Variants in FLOT1 observed in about 807,000 individuals in gnomAD.
The protein encoded by FLOT1 is flotillin-1.
In FLOT1, 40 loss-of-function variants were observed where a neutral mutation model predicts 58.4. That is an observed-to-expected ratio of 0.69 (90% CI 0.53 to 0.89). FLOT1 has a LOEUF of 0.89. Ranked by LOEUF, FLOT1 falls within the 40% of genes least tolerant of loss-of-function variation. FLOT1 has a pLI of 0.00. For missense variants in FLOT1, 423 were observed against 540.8 expected (o/e 0.78, Z 2.16); for synonymous variants, 178 against 204.2 (o/e 0.87, Z 1.09).
At chr6:30,736,590 C>T (rs1777581627) in intron 8 of FLOT1, among the ~76,000 whole-genome samples, 1 of 148,990 alleles carries the variant, frequency 6.7e-6, no homozygotes, top group Non-Finnish European at 1.5e-5. Flanking sequence ...AAGAGCCCAA[C>T]TCATCTTTTG....
chr6:30,736,632 C>T (rs1168514117), intron 8 of FLOT1, among the ~76,000 whole-genome samples: 2 of 150,676 alleles, frequency 1.3e-5, no homozygotes, highest in Non-Finnish European at 1.5e-5. Flanking sequence ...CTCACTCTGT[C>T]ATCCAGGCTG....
In FLOT1 at chr6:30,730,280, A is replaced by C; in HGVS notation, c.1090-94T>G. 7 of 1,519,946 alleles carry C rather than the reference A, an allele frequency of 4.6e-6. No individual in the cohort carries two copies. The South Asian group carries it at 8.3e-5, about 18-fold the overall frequency. 94.2% of individuals were successfully genotyped at this position (1,519,946 alleles called of 1,614,324 possible). A position where few individuals can be genotyped will look rare whatever the true frequency, so the allele number is the denominator to read the frequency against. On this transcript the variant is annotated intron_variant, in intron 11 of 12. Transcript: ENST00000376389. Reference sequence around the variant, plus strand: ...GGGTTTTAAGGTCCTCGTTCCACTGATCATCCTTCCTCACTTTGGTCACTA... The same window carrying C: ...GGGTTTTAAGGTCCTCGTTCCACTGCTCATCCTTCCTCACTTTGGTCACTA...
chr6:30,742,253 G>C lies in FLOT1; in HGVS notation c.-14-50C>G, dbSNP rs1262379949. On this transcript the variant is annotated intron_variant, in intron 1 of 12. Coordinates refer to ENST00000376389, the MANE Select transcript of FLOT1 (RefSeq NM_005803.4). This position sits in a 1 kb window ranked among gnomAD's most constrained non-coding sequence, Gnocchi z 5.2. ...TTGCGGATGGGGAAGGCGCGCTGTG[G>C]CGTCCACAGGGGCCCATCCTTTCCC... 3 of 1,499,094 alleles carry C rather than the reference G, an allele frequency of 2.0e-6. No homozygotes were observed. The highest frequency in any genetic ancestry group is 3.3e-5 in the Admixed American group (2 of 59,830). 92.9% of individuals were successfully genotyped at this position (1,499,094 alleles called of 1,614,324 possible).
intron 8 of FLOT1, among the ~76,000 whole-genome samples, chr6:30,736,845 G>C (rs1361365344): frequency 1.3e-5 from 2 of 151,744 alleles, no homozygotes; most frequent in South Asian, 4.2e-4. Context: ...TGCCCACCTC[G>C]GCCTCCCAAA....
At chr6:30,734,228 A>G (rs1394232791) in intron 8 of FLOT1, among the ~76,000 whole-genome samples, 1 of 151,768 alleles carries the variant, frequency 6.6e-6, no homozygotes, top group African/African-American at 2.4e-5. Context: ...AGACCATTTC[A>G]ATCTAAAACC....
chr6:30,728,023 G>T lies in FLOT1; in HGVS notation c.*93C>A. 1 of 1,162,814 alleles carries T rather than the reference G, an allele frequency of 8.6e-7. No individual in the cohort carries two copies. Among genetic ancestry groups the T allele is most frequent in the Non-Finnish European group, 1.3e-6 (1 of 771,124 alleles). 72.0% of individuals were successfully genotyped at this position (1,162,814 alleles called of 1,614,324 possible). A position where few individuals can be genotyped will look rare whatever the true frequency, so the allele number is the denominator to read the frequency against. ...GAGGGGTGGGACCTCACTGTCAATG[G>T]ACATGCTCAGGGAGGCCAGTGGGTT... On this transcript the variant is annotated 3_prime_UTR_variant, in exon 13 of 13. Coordinates refer to ENST00000376389, the MANE Select transcript of FLOT1 (RefSeq NM_005803.4).
In FLOT1 at chr6:30,730,944, G is replaced by C; in HGVS notation, c.880C>G (p.Leu294Val). The C allele has an allele frequency of 6.2e-7, 1 of 1,613,860 alleles. No individual in the cohort carries two copies. The highest frequency in any genetic ancestry group is 1.1e-5 in the South Asian group (1 of 91,042). ...TTCTCTGCCTCGGCTAGGCGCTCCAGCTTGTAGCGCTCCGCTTCCGCTGGC... is the reference window on the plus strand; with the variant it reads ...TTCTCTGCCTCGGCTAGGCGCTCCACCTTGTAGCGCTCCGCTTCCGCTGGC... ...RKPAEAERYK[L>V]ERLAEAEKSQ... The change falls in exon 9 of 13, where the codon CTG (leucine) becomes GTG (valine). Residue 294 changes from leucine (L) to valine (V), a missense_variant. Around this residue, in one of 6 missense-constraint regions of FLOT1, gnomAD observed 106 missense variants for 88.4 expected, o/e 1.20. Coordinates refer to ENST00000376389, the MANE Select transcript of FLOT1 (RefSeq NM_005803.4).
chr6:30,739,957 C>T (rs929216735), intron 8 of FLOT1, among the ~76,000 whole-genome samples: 26 of 152,240 alleles, frequency 1.7e-4, no homozygotes, highest in African/African-American at 5.5e-4. Flanking sequence ...TCACCACACC[C>T]GGCTGGCCTT....
Position 30,730,565 on chromosome 6 carries a change from T to A in FLOT1, c.952A>T (p.Met318Leu). Reference protein sequence around the residue: ...QAEAEAASVRMRGEAEAFAIG... With the variant: ...QAEAEAASVRLRGEAEAFAIG... ...GCAAAGGCCTCAGCTTCCCCACGCA[T>A]CTGAGGGTTAAGGATGCTTGTGAGA... Residue 318 changes from methionine to leucine, a missense_variant and splice_region_variant, in exon 11 of 13, where the codon ATG becomes TTG. Transcript: ENST00000376389. 6.2e-7 allele frequency: 1 copy of A among 1,612,196 alleles called. No individual in the cohort carries two copies.
rs1183662912 is a variant in FLOT1 at position 30,737,246 on chromosome 6, GTCCATCCGTCCA to G, written c.723+2900_723+2911del. On this transcript the variant is annotated intron_variant, in intron 8 of 12. Coordinates refer to ENST00000376389, the MANE Select transcript of FLOT1 (RefSeq NM_005803.4). The surrounding 1 kb of genome is among the most constrained non-coding windows in gnomAD (Gnocchi z 4.4). Reference sequence around the variant, plus strand: ...CGTCCGTCCGTCCGTCCGTCCGTCCGTCCATCCGTCCATCCATCCATCCATATATCTATCTTA... The same window carrying G: ...CGTCCGTCCGTCCGTCCGTCCGTCCGTCCATCCATCCATATATCTATCTTA... Among the ~76,000 whole-genome samples the G allele has an allele frequency of 1.4e-4, 21 of 145,294 alleles. No individual in the cohort carries two copies. The highest frequency in any genetic ancestry group is 5.1e-4 in the African/African-American group (20 of 38,882).
intron 8 of FLOT1, among the ~76,000 whole-genome samples, chr6:30,732,936 T>C (rs564504020): frequency 6.6e-6 from 1 of 152,342 alleles, no homozygotes; most frequent in Admixed American, 6.5e-5. Flanking sequence ...TTTTCCTTCC[T>C]GTCTATGCCC....
In FLOT1 at chr6:30,729,951, A is replaced by C. The variant is rs1777029094; in HGVS notation, c.1254+71T>G. 3 of 1,416,968 alleles carry C rather than the reference A, an allele frequency of 2.1e-6. No homozygotes were observed. The African/African-American group carries it at 4.2e-5, about 20-fold the overall frequency. 87.8% of individuals were successfully genotyped at this position (1,416,968 alleles called of 1,614,324 possible). ...GACTCCCAGGCCTGGATGCTGGTTAAATGCTAGGCATACTGTGTCACACAA... is the reference window on the plus strand; with the variant it reads ...GACTCCCAGGCCTGGATGCTGGTTACATGCTAGGCATACTGTGTCACACAA... On this transcript the variant is annotated intron_variant, in intron 12 of 12. Coordinates refer to ENST00000376389, the MANE Select transcript of FLOT1 (RefSeq NM_005803.4).
At chr6:30,732,222 G>A (rs999104085) in intron 8 of FLOT1, among the ~76,000 whole-genome samples, 14 of 152,168 alleles carry the variant, frequency 9.2e-5, no homozygotes, top group African/African-American at 3.4e-4. Flanking sequence ...ATCCGCCTCA[G>A]TTTCCCAAAG....
Position 30,741,938 on chromosome 6 carries a change from G to C in FLOT1, c.44-71C>G. 7.0e-7 allele frequency: 1 copy of C among 1,425,042 alleles called. No individual in the cohort carries two copies. The highest frequency in any genetic ancestry group is 1.2e-5 in the South Asian group (1 of 86,504). 88.3% of individuals were successfully genotyped at this position (1,425,042 alleles called of 1,614,324 possible). A position where few individuals can be genotyped will look rare whatever the true frequency, so the allele number is the denominator to read the frequency against. ...GGAAGACTGAGGAACTGGCGGGGGTGAGGGGACAGCAACCCACAGGAGAGA... is the reference window on the plus strand; with the variant it reads ...GGAAGACTGAGGAACTGGCGGGGGTCAGGGGACAGCAACCCACAGGAGAGA... On this transcript the variant is annotated intron_variant, in intron 2 of 12. Coordinates refer to ENST00000376389, the MANE Select transcript of FLOT1 (RefSeq NM_005803.4). The surrounding 1 kb of genome is among the most constrained non-coding windows in gnomAD (Gnocchi z 5.9).
rs1554208614 is a variant in FLOT1, at chr6:30,737,246, G to GTCCGTCCGTCCGTCCGTCCATCCATCCA, written c.723+2911_723+2912insTGGATGGATGGACGGACGGACGGACGGA. On this transcript the variant is annotated intron_variant, in intron 8 of 12. Coordinates refer to ENST00000376389, the MANE Select transcript of FLOT1 (RefSeq NM_005803.4). The surrounding 1 kb of genome is among the most constrained non-coding windows in gnomAD (Gnocchi z 4.4). Reference sequence around the variant, plus strand: ...CGTCCGTCCGTCCGTCCGTCCGTCCGTCCATCCGTCCATCCATCCATCCAT... The same window carrying GTCCGTCCGTCCGTCCGTCCATCCATCCA: ...CGTCCGTCCGTCCGTCCGTCCGTCCGTCCGTCCGTCCGTCCGTCCATCCATCCATCCATCCGTCCATCCATCCATCCAT... Among the ~76,000 whole-genome samples, 5 of 145,398 alleles carry GTCCGTCCGTCCGTCCGTCCATCCATCCA rather than the reference G, an allele frequency of 3.4e-5. No homozygotes were observed. Among genetic ancestry groups the GTCCGTCCGTCCGTCCGTCCATCCATCCA allele is most frequent in the Admixed American group, 1.4e-4 (2 of 14,594 alleles).
intron 8 of FLOT1, chr6:30,736,308 G>T (rs1387528243): frequency 6.6e-6 from 1 of 151,778 alleles, no homozygotes; most frequent in African/African-American, 2.4e-5. Flanking sequence ...AAGAAAGAAA[G>T]ACTAATCAAG....
At chr6:30,740,841 T>G (rs1777923083) in intron 5 of FLOT1, 43 bp from the exon 6 acceptor site, 1 of 1,551,222 alleles carries the variant, frequency 6.4e-7, no homozygotes, top group Non-Finnish European at 8.6e-7. Context: ...TAAGTTTTTT[T>G]TTTTTTTTTT....
intron 12 of FLOT1, among the ~76,000 whole-genome samples, chr6:30,729,619 T>C (rs957476725): frequency 5.3e-5 from 8 of 152,212 alleles, no homozygotes; most frequent in African/African-American, 1.9e-4. Flanking sequence ...ACTTCTACCA[T>C]GATCTACAGG....
Position 30,741,909 on chromosome 6 carries a change from A to C in FLOT1, c.44-42T>G, listed in dbSNP as rs942357904. ...AGTGAGGAACGGTGGCAGAGCTTGA[A>C]TGTGGAAGACTGAGGAACTGGCGGG... On this transcript the variant is annotated intron_variant, in intron 2 of 12. Transcript: ENST00000376389. The surrounding 1 kb of genome is among the most constrained non-coding windows in gnomAD (Gnocchi z 5.9). The C allele has an allele frequency of 1.3e-6, 2 of 1,579,724 alleles. No homozygotes were observed. Among genetic ancestry groups the C allele is most frequent in the Non-Finnish European group, 1.7e-6 (2 of 1,151,620 alleles).
Sources: gnomAD v4.1 joint callset for allele counts (sites outside exome capture counted in the v4.1 genomes callset) on GRCh38, gnomAD v4.1.1 for gene constraint, gnomAD v4.1.1 regional missense constraint, Gnocchi (gnomAD v3.1) non-coding constraint, MANE v1.5 for transcripts, NCBI Gene and HGNC (gene_info 2026-07-23, HGNC 2026-07-21) for gene names.